The following OSBPL8 variants were observed in gnomAD, a reference collection of about 807,000 sequenced individuals.
OSBPL8 encodes oxysterol-binding protein-related protein 8.
In OSBPL8, 59 loss-of-function variants were observed where a neutral mutation model predicts 125.5. That is an observed-to-expected ratio of 0.47 (90% CI 0.38 to 0.58). OSBPL8 has a LOEUF of 0.58. Among genes scored for constraint, OSBPL8 ranks in the 20% least tolerant of loss-of-function variants. The pLI, the probability that OSBPL8 is intolerant of heterozygous loss-of-function variation, is 0.00. For synonymous variants in OSBPL8, 330 were observed against 338.9 expected (o/e 0.97, Z 0.29); for missense variants, 758 against 1,047.8 (o/e 0.72, Z 3.82).
In OSBPL8 at chr12:76,375,278, G is replaced by C; in HGVS notation, c.1822C>G (p.Leu608Val). ...TGYSAILEFK[L>V]KPFLGSSDCV... ...CTACTGTATTGTCTACTAACCTTTA[G>C]TTTAAATTCAAGTATTGCACTGTAT... The change falls in exon 17 of 24, where the codon CTA (leucine) becomes GTA (valine). Residue 608 changes from leucine (L) to valine (V), a missense_variant. Leu to Val is a conservative substitution (Grantham distance 32, BLOSUM62 1). Coordinates refer to ENST00000261183, the MANE Select transcript of OSBPL8 (RefSeq NM_020841.5). The C allele has an allele frequency of 3.7e-6, 6 of 1,600,068 alleles. No homozygotes were observed.
At chr12:76,370,083 A>G (rs760924660) in intron 19 of OSBPL8, among the ~76,000 whole-genome samples, 2 of 152,148 alleles carry the variant, frequency 1.3e-5, no homozygotes, top group Non-Finnish European at 2.9e-5. Context: ...AACTCATGAT[A>G]GTAAGTGTTG....
intron 6 of OSBPL8, among the ~76,000 whole-genome samples, chr12:76,400,431 T>C (rs1954004356): frequency 1.3e-5 from 2 of 152,204 alleles, no homozygotes; most frequent in Non-Finnish European, 2.9e-5. Flanking sequence ...TCCATGTCTT[T>C]GCTATTGTGA....
intron 2 of OSBPL8, among the ~76,000 whole-genome samples, chr12:76,470,143 T>C (rs925621936): frequency 2.0e-5 from 3 of 152,220 alleles, no homozygotes; most frequent in East Asian, 3.8e-4. Context: ...TATCAAGGTC[T>C]TCACATACAA....
At chr12:76,418,887 C>A (rs918847643) in intron 4 of OSBPL8, among the ~76,000 whole-genome samples, 1 of 151,666 alleles carries the variant, frequency 6.6e-6, no homozygotes, top group African/African-American at 2.4e-5. Context: ...TTTAGATTGA[C>A]AGATGGCAAT....
At chr12:76,516,437 A>C (rs75962731) in intron 1 of OSBPL8, among the ~76,000 whole-genome samples, 1 of 152,170 alleles carries the variant, frequency 6.6e-6, no homozygotes, top group Non-Finnish European at 1.5e-5. Context: ...TCCTCGTATT[A>C]TAAGTATTCA....
intron 3 of OSBPL8, among the ~76,000 whole-genome samples, chr12:76,457,691 T>A (rs1874229638): frequency 6.6e-6 from 1 of 152,196 alleles, no homozygotes; most frequent in Non-Finnish European, 1.5e-5. Flanking sequence ...AAGTCATCTC[T>A]AATATTATGT....
chr12:76,474,057 G>A (rs1366289929), intron 2 of OSBPL8, among the ~76,000 whole-genome samples: 1 of 152,114 alleles, frequency 6.6e-6, no homozygotes, highest in Admixed American at 6.5e-5. Flanking sequence ...TTACCCATAA[G>A]ACCTAAATAA....
intron 1 of OSBPL8, among the ~76,000 whole-genome samples, chr12:76,490,637 A>C (rs1204867223): frequency 6.6e-6 from 1 of 152,162 alleles, no homozygotes; most frequent in African/African-American, 2.4e-5. Flanking sequence ...ACCATCTTTC[A>C]ATTTGTTCAT....
At chr12:76,449,225 T>G (rs1297444263) in intron 4 of OSBPL8, among the ~76,000 whole-genome samples, 2 of 152,168 alleles carry the variant, frequency 1.3e-5, no homozygotes, top group African/African-American at 4.8e-5. Flanking sequence ...ACACCAAATT[T>G]CATTTCTCAG....
intron 6 of OSBPL8, among the ~76,000 whole-genome samples, chr12:76,400,857 C>CAGCTCACT (rs1954024646): frequency 6.7e-6 from 1 of 149,640 alleles, no homozygotes; most frequent in Non-Finnish European, 1.5e-5. Flanking sequence ...GGCGGAATCT[C>CAGCTCACT]AGCTCACTAC....
At chr12:76,393,710 CA>C (rs11423585) in intron 9 of OSBPL8, among the ~76,000 whole-genome samples, 6 of 52,280 alleles carry the variant, frequency 1.1e-4, no homozygotes, top group African/African-American at 1.3e-4. Flanking sequence ...GACTCCGTTT[CA>C]AAAAAAAAAA....
chr12:76,437,730 A>C (rs1342266654), intron 4 of OSBPL8, among the ~76,000 whole-genome samples: 1 of 152,194 alleles, frequency 6.6e-6, no homozygotes, highest in Non-Finnish European at 1.5e-5. Context: ...GAACCTATAA[A>C]ATCAATGAGA....
intron 1 of OSBPL8, among the ~76,000 whole-genome samples, chr12:76,531,759 C>T (rs924904476): frequency 6.6e-6 from 1 of 151,874 alleles, no homozygotes; most frequent in South Asian, 2.1e-4. Flanking sequence ...ACCAAAAGGC[C>T]GGGTGCGGTG....
In OSBPL8 at chr12:76,373,413, G is replaced by A; in HGVS notation, c.1848C>T (p.Asp616=). The change falls in exon 18 of 24, where the codon GAC becomes GAT. Residue 616 remains aspartate (D), a synonymous_variant. Transcript: ENST00000261183. ...GTTTCCCTGATATTTGATTAACACA[G>A]TCACTACTCCCTAGGAATGGCTTTT... ...FKLKPFLGSS[D]CVNQISGKLK... 6.2e-7 allele frequency: 1 copy of A among 1,606,446 alleles called. No homozygotes were observed. Among genetic ancestry groups the A allele is most frequent in the Non-Finnish European group, 8.5e-7 (1 of 1,175,114 alleles).
chr12:76,399,931 T>C lies in OSBPL8; in HGVS notation c.410A>G (p.Lys137Arg), dbSNP rs1346911169. The C allele has an allele frequency of 1.2e-6, 2 of 1,608,262 alleles. No individual in the cohort carries two copies. Among genetic ancestry groups the C allele is most frequent in the Non-Finnish European group, 1.7e-6 (2 of 1,178,672 alleles). Reference protein sequence around the residue: ...NYREEKKRATKELLSTITDPS... With the variant: ...NYREEKKRATRELLSTITDPS... ...ATCTGTGATTGTACTGAGCAGCTCCTTTGTGGCTCTTTTCTTTTCTTCTCG... is the reference window on the plus strand; with the variant it reads ...ATCTGTGATTGTACTGAGCAGCTCCCTTGTGGCTCTTTTCTTTTCTTCTCG... The change falls in exon 7 of 24, where the codon AAG (lysine) becomes AGG (arginine). Residue 137 changes from lysine to arginine, a missense_variant. Coordinates refer to ENST00000261183, the MANE Select transcript of OSBPL8 (RefSeq NM_020841.5).
chr12:76,475,622 AAAG>A (rs1876709090), intron 2 of OSBPL8, among the ~76,000 whole-genome samples: 1 of 152,214 alleles, frequency 6.6e-6, no homozygotes, highest in Non-Finnish European at 1.5e-5. Flanking sequence ...CAAAGCCAAT[AAAG>A]AAGAAGCCAA....
intron 1 of OSBPL8, among the ~76,000 whole-genome samples, chr12:76,557,132 G>C (rs2137548647): frequency 6.6e-6 from 1 of 152,144 alleles, no homozygotes; most frequent in African/African-American, 2.4e-5. Context: ...TGACATTTCA[G>C]GCATTGTTAT....
At chr12:76,481,400 A>G (rs12229006) in intron 2 of OSBPL8, among the ~76,000 whole-genome samples, 2 of 152,316 alleles carry the variant, frequency 1.3e-5, no homozygotes, top group East Asian at 3.9e-4. Context: ...ATTATTGGGA[A>G]GTTGTACATA....
intron 1 of OSBPL8, among the ~76,000 whole-genome samples, chr12:76,518,129 C>A (rs1881728867): frequency 6.6e-6 from 1 of 152,206 alleles, no homozygotes; most frequent in South Asian, 2.1e-4. Flanking sequence ...AGACTCAAGT[C>A]AAATTCCTTC....
Sources: allele counts gnomAD v4.1 joint callset (sites outside exome capture counted in the v4.1 genomes callset), GRCh38; gene constraint gnomAD v4.1.1; transcripts MANE v1.5; gene names NCBI Gene and HGNC (gene_info 2026-07-23, HGNC 2026-07-21).